PHLDB2: variants seen among roughly 807,000 people sequenced by gnomAD.
The protein encoded by PHLDB2 is pleckstrin homology-like domain family B member 2.
Under a neutral mutation model 123.6 loss-of-function variants are expected in PHLDB2, and 71 were observed. That is an observed-to-expected ratio of 0.57 (90% CI 0.47 to 0.70). PHLDB2 has a LOEUF of 0.70. PHLDB2 is among the 30% of genes least tolerant of loss of function. The pLI is 0.00. For missense variants in PHLDB2, 1,446 were observed against 1,519.5 expected, an observed-to-expected ratio of 0.95 and a Z score of 0.80; for synonymous variants, 547 against 541.6, an observed-to-expected ratio of 1.01 and a Z score of -0.14.
At chr3:111,819,878 A>T (rs1046655787) in intron 1 of PHLDB2, among the ~76,000 whole-genome samples, 8 of 152,348 alleles carry the variant, frequency 5.3e-5, no homozygotes, top group Middle Eastern at 3.4e-3. Context: ...TATCAAATAA[A>T]TTACTGAGTT....
intron 5 of PHLDB2, among the ~76,000 whole-genome samples, chr3:111,925,904 C>A (rs2068785813): frequency 6.6e-6 from 1 of 152,180 alleles, no homozygotes; most frequent in Non-Finnish European, 1.5e-5. Flanking sequence ...ATCTGTGCTT[C>A]TTTTTAGCGC....
intron 1 of PHLDB2, among the ~76,000 whole-genome samples, chr3:111,864,344 C>T (rs754511219): frequency 6.6e-6 from 1 of 152,140 alleles, no homozygotes; most frequent in South Asian, 2.1e-4. Flanking sequence ...ATTAAAGTAA[C>T]TTGTCTTTTA....
chr3:111,970,247 CTTTA>C (rs555139262), intron 16 of PHLDB2, among the ~76,000 whole-genome samples: 6 of 151,956 alleles, frequency 3.9e-5, no homozygotes, highest in African/African-American at 7.3e-5. Context: ...TTAATCCATT[CTTTA>C]TTTAGGTAAC....
intron 1 of PHLDB2, among the ~76,000 whole-genome samples, chr3:111,765,015 C>T (rs2060056340): frequency 6.6e-6 from 1 of 152,234 alleles, no homozygotes; most frequent in Non-Finnish European, 1.5e-5. Flanking sequence ...CGGGTCCACC[C>T]TCTCCAGTGC....
chr3:111,904,276 T>TTAAAAAAAAAA lies in PHLDB2; in HGVS notation c.1336-9043_1336-9042insTAAAAAAAAAA, dbSNP rs1368088646. Among the ~76,000 whole-genome samples the TTAAAAAAAAAA allele has an allele frequency of 6.3e-4, 7 of 11,044 alleles. 1 individual carries two copies. The highest frequency in any genetic ancestry group is 1.2e-3 in the African/African-American group (7 of 5,998). The allele number at this position is 11,044 out of a possible 152,430, so 7.2% of individuals were successfully genotyped here. On this transcript the variant is annotated intron_variant, in intron 2 of 17. Coordinates refer to ENST00000431670, the MANE Select transcript of PHLDB2 (RefSeq NM_001134438.2). ...CTGGGTGACAGAGTGAGACCCTGTC[T>TTAAAAAAAAAA]CAAAAAAAAAAAAGGCCAAGGGTTC... is the stretch of plus-strand genomic sequence containing the variant.
intron 1 of PHLDB2, among the ~76,000 whole-genome samples, chr3:111,825,264 C>T (rs2062600375): frequency 6.6e-6 from 1 of 152,146 alleles, no homozygotes; most frequent in Non-Finnish European, 1.5e-5. Context: ...TTTGCCAGTA[C>T]AATTCTACTT....
chr3:111,907,385 C>T (rs2067607052), intron 2 of PHLDB2, among the ~76,000 whole-genome samples: 1 of 152,152 alleles, frequency 6.6e-6, no homozygotes, highest in East Asian at 1.9e-4. Flanking sequence ...TGTCCTTTTC[C>T]TGTAGGTCAG....
chr3:111,834,397 A>G (rs1051290964), intron 1 of PHLDB2, among the ~76,000 whole-genome samples: 1 of 145,872 alleles, frequency 6.9e-6, no homozygotes, highest in African/African-American at 2.5e-5. Context: ...ATATGTGTGT[A>G]TATATATACA....
chr3:111,775,795 T>C (rs1290784995), intron 1 of PHLDB2, among the ~76,000 whole-genome samples: 1 of 152,208 alleles, frequency 6.6e-6, no homozygotes, highest in African/African-American at 2.4e-5. Flanking sequence ...TTTTCTACAA[T>C]TGAACACCTG....
intron 1 of PHLDB2, chr3:111,859,821 C>T: frequency 1.0e-6 from 1 of 985,718 alleles, no homozygotes; most frequent in African/African-American, 1.7e-5. Flanking sequence ...GGGGCAAAGG[C>T]TAGGCGCTAG....
intron 1 of PHLDB2, among the ~76,000 whole-genome samples, chr3:111,780,321 G>GGAAGAAGAAGAAGAAGAAGAA (rs776116547): frequency 5.4e-4 from 2 of 3,684 alleles, no homozygotes; most frequent in African/African-American, 1.0e-3. Flanking sequence ...AAGAGGAAGA[G>GGAAGAAGAAGAAGAAGAAGAA]GAAGAAGAAG....
chr3:111,941,613 T>C (rs1419983589), intron 8 of PHLDB2, among the ~76,000 whole-genome samples: 3 of 152,074 alleles, frequency 2.0e-5, no homozygotes, highest in Admixed American at 2.0e-4. Context: ...TCAAGACCAG[T>C]CTGGCCAACA....
intron 1 of PHLDB2, among the ~76,000 whole-genome samples, chr3:111,843,958 C>A (rs10934114): frequency 2.0e-5 from 3 of 152,024 alleles, no homozygotes; most frequent in South Asian, 2.1e-4. Flanking sequence ...AAACTCAGTA[C>A]GTAAAAAACT....
At chr3:111,738,046 AC>A (rs2059540175) in intron 1 of PHLDB2, among the ~76,000 whole-genome samples, 1 of 152,154 alleles carries the variant, frequency 6.6e-6, no homozygotes, top group African/African-American at 2.4e-5. Flanking sequence ...GAAAGCCAAT[AC>A]CCCTACGAAT....
intron 1 of PHLDB2, among the ~76,000 whole-genome samples, chr3:111,758,104 G>A (rs1013208301): frequency 1.1e-4 from 17 of 152,110 alleles, no homozygotes; most frequent in Admixed American, 4.6e-4. Flanking sequence ...CTCCAGCTGC[G>A]TGCTGGGAGA....
chr3:111,940,162 GAC>G (rs1431533574), intron 7 of PHLDB2, among the ~76,000 whole-genome samples: 1 of 150,914 alleles, frequency 6.6e-6, no homozygotes, highest in Non-Finnish European at 1.5e-5. Flanking sequence ...GGAAAGGAAA[GAC>G]AAGAGAAGGT....
intron 2 of PHLDB2, chr3:111,911,665 G>C (rs781520948): frequency 6.5e-7 from 1 of 1,536,326 alleles, no homozygotes; most frequent in East Asian, 2.4e-5. Flanking sequence ...CCTGCCGTGG[G>C]AAGAGGCCAT....
At chr3:111,960,009 G>T in intron 12 of PHLDB2, 1 of 163,998 alleles carries the variant, frequency 6.1e-6, no homozygotes, top group Non-Finnish European at 1.3e-5. Flanking sequence ...CCATGTAGTT[G>T]GTGCCAATGT....
chr3:111,786,614 G>A (rs2060689653), intron 1 of PHLDB2, among the ~76,000 whole-genome samples: 1 of 152,066 alleles, frequency 6.6e-6, no homozygotes, highest in African/African-American at 2.4e-5. Flanking sequence ...GCTTAAAGTG[G>A]GAGGATAAGA....
Sources: allele counts gnomAD v4.1 joint callset (sites outside exome capture counted in the v4.1 genomes callset), GRCh38; gene constraint gnomAD v4.1.1; transcripts MANE v1.5; gene names NCBI Gene and HGNC (gene_info 2026-07-23, HGNC 2026-07-21).